The following SLAIN1 variants were observed in gnomAD, a reference collection of about 807,000 sequenced individuals.
The protein encoded by SLAIN1 is SLAIN family member 1.
SLAIN1 carries 17 observed loss-of-function variants against 55.4 expected under a neutral mutation model. The ratio of observed to expected loss-of-function variants is 0.31; its 90% CI spans 0.21 to 0.46. SLAIN1 has a LOEUF of 0.46. SLAIN1 is among the 20% of genes least tolerant of loss of function. The pLI is 1.00. For synonymous variants in SLAIN1, 348 were observed against 337.4 expected, an observed-to-expected ratio of 1.03 and a Z score of -0.35; for missense variants, 682 against 785.1, an observed-to-expected ratio of 0.87 and a Z score of 1.57.
intron 1 of SLAIN1, among the ~76,000 whole-genome samples, chr13:77,702,716 A>T (rs912795310): frequency 1.6e-4 from 24 of 151,284 alleles, no homozygotes; most frequent in Non-Finnish European, 5.9e-5. Context: ...CATCACTGAT[A>T]TTTTTTTTTC....
At chr13:77,744,785 C>T (rs932959597) in intron 3 of SLAIN1, among the ~76,000 whole-genome samples, 21 of 152,036 alleles carry the variant, frequency 1.4e-4, no homozygotes, top group Non-Finnish European at 2.9e-4. Flanking sequence ...AAAACTTGCA[C>T]GTGAATGTTC....
chr13:77,703,889 T>TA (rs1555275226), intron 1 of SLAIN1, among the ~76,000 whole-genome samples: 14 of 132,656 alleles, frequency 1.1e-4, no homozygotes, highest in African/African-American at 3.9e-4. Flanking sequence ...AAAAAAAAAA[T>TA]TATATATATA....
intron 2 of SLAIN1, chr13:77,743,088 G>A: frequency 7.7e-7 from 1 of 1,303,338 alleles, no homozygotes; most frequent in Non-Finnish European, 1.0e-6. Context: ...GCAAGACTCA[G>A]CCCTTATAGC....
intron 5 of SLAIN1, among the ~76,000 whole-genome samples, chr13:77,758,895 C>T (rs1158815122): frequency 6.6e-6 from 1 of 151,948 alleles, no homozygotes; most frequent in Non-Finnish European, 1.5e-5. Context: ...CTTAGTCTTG[C>T]TTTGGCTATG....
chr13:77,755,039 G>T (rs776662898), intron 5 of SLAIN1, among the ~76,000 whole-genome samples: 26 of 152,176 alleles, frequency 1.7e-4, no homozygotes, highest in Non-Finnish European at 2.6e-4. Flanking sequence ...GAGGTTAGGA[G>T]AATGGGCCAA....
intron 2 of SLAIN1, among the ~76,000 whole-genome samples, chr13:77,723,067 GAATT>G (rs960732440): frequency 5.9e-5 from 9 of 152,084 alleles, no homozygotes; most frequent in African/African-American, 2.2e-4. Flanking sequence ...TTTTTTTTCA[GAATT>G]AATTGGAAAA....
chr13:77,708,114 A>T (rs533390400), intron 1 of SLAIN1, among the ~76,000 whole-genome samples: 13 of 152,380 alleles, frequency 8.5e-5, no homozygotes, highest in African/African-American at 2.9e-4. Context: ...TGAACATGGC[A>T]TAGTGGGTCA....
chr13:77,745,738 G>A (rs1873768052), intron 3 of SLAIN1, among the ~76,000 whole-genome samples: 1 of 151,960 alleles, frequency 6.6e-6, no homozygotes, highest in Non-Finnish European at 1.5e-5. Flanking sequence ...ATTTTTAAGG[G>A]GAAAAGTGGT....
rs200914952 is a variant in SLAIN1 at position 77,744,269 on chromosome 13, C to T, written c.767-14C>T. 103 of 1,574,662 alleles carry T rather than the reference C, an allele frequency of 6.5e-5. No individual in the cohort carries two copies. The East Asian group carries it at 1.9e-3, about 29-fold the overall frequency. ...CCTGCAGATGGAAGAACACACTTTT[C>T]CTTTGTGTTTCAGGTTACACTTCCA... On this transcript the variant is annotated splice_polypyrimidine_tract_variant and intron_variant, in intron 2 of 6. Coordinates refer to ENST00000418532, the MANE Select transcript of SLAIN1 (RefSeq NM_001242868.2).
At chr13:77,739,635 T>C (rs1410729550) in intron 2 of SLAIN1, among the ~76,000 whole-genome samples, 1 of 152,138 alleles carries the variant, frequency 6.6e-6, no homozygotes, top group Non-Finnish European at 1.5e-5. Flanking sequence ...TTGAATACTT[T>C]GAGTCTAAGC....
At chr13:77,713,806 T>C (rs1314773787) in intron 1 of SLAIN1, among the ~76,000 whole-genome samples, 1 of 151,884 alleles carries the variant, frequency 6.6e-6, no homozygotes, top group Non-Finnish European at 1.5e-5. Flanking sequence ...ATAAAGAAAA[T>C]GTGGCACATA....
At chr13:77,725,804 GT>G (rs1317080378) in intron 2 of SLAIN1, among the ~76,000 whole-genome samples, 1 of 151,990 alleles carries the variant, frequency 6.6e-6, no homozygotes, top group African/African-American at 2.4e-5. Context: ...TAAGTTAGCC[GT>G]CCCTCCTTGT....
Position 77,697,968 on chromosome 13 carries a change from T to C in SLAIN1, c.55T>C (p.Ser19Pro). The change falls in exon 1 of 7, where the codon TCC becomes CCC. Residue 19 changes from serine (S) to proline (P), a missense_variant. Coordinates refer to ENST00000418532, the MANE Select transcript of SLAIN1 (RefSeq NM_001242868.2). ...GGCAGGGGTCAGCTCTGGAGCGGGC[T>C]CCGGGCCGGTGGTGAACGCGGAGCT... is the stretch of plus-strand genomic sequence containing the variant. ...ASAGVSSGAG[S>P]GPVVNAELEV... 1 of 1,445,712 alleles carries C rather than the reference T, an allele frequency of 6.9e-7. No individual in the cohort carries two copies. The allele number at this position is 1,445,712 out of a possible 1,614,324, so 89.6% of individuals were successfully genotyped here.
intron 2 of SLAIN1, among the ~76,000 whole-genome samples, chr13:77,723,274 C>A (rs1178345423): frequency 6.6e-6 from 1 of 152,154 alleles, no homozygotes; most frequent in African/African-American, 2.4e-5. Context: ...CATCTTTAGC[C>A]TCTGAAGAGC....
At chr13:77,763,023 G>A (rs1875169043) in intron 6 of SLAIN1, 122 bp from the exon 7 acceptor site, 2 of 742,318 alleles carry the variant, frequency 2.7e-6, no homozygotes, top group Non-Finnish European at 4.6e-6. Flanking sequence ...CACTTGAGAT[G>A]GTGCCAGTGG....
intron 2 of SLAIN1, among the ~76,000 whole-genome samples, chr13:77,731,982 T>G (rs1872889640): frequency 1.3e-5 from 2 of 152,088 alleles, no homozygotes; most frequent in Non-Finnish European, 2.9e-5. Context: ...ATTTTAGTGT[T>G]GTTTTGTGTG....
intron 1 of SLAIN1, among the ~76,000 whole-genome samples, chr13:77,706,295 A>C (rs2091089498): frequency 6.6e-6 from 1 of 151,988 alleles, no homozygotes; most frequent in Non-Finnish European, 1.5e-5. Flanking sequence ...CTGCATTATG[A>C]TTATAATTTA....
At position 77,760,607 on chromosome 13, in the gene SLAIN1, T is replaced by C. The variant is rs995151357; in HGVS notation, c.1415-221T>C. ...TGTGCTTAGAACTGGCTTCTGCATATAGCCAGGCACTCCAAAATGTGGCTG... is the reference window on the plus strand; with the variant it reads ...TGTGCTTAGAACTGGCTTCTGCATACAGCCAGGCACTCCAAAATGTGGCTG... On this transcript the variant is annotated intron_variant, in intron 5 of 6. Transcript: ENST00000418532. Among the ~76,000 whole-genome samples, 29 of 152,230 alleles carry C rather than the reference T, an allele frequency of 1.9e-4. 1 individual carries two copies. Among genetic ancestry groups the C allele is most frequent in the Non-Finnish European group, 3.7e-4 (25 of 68,042 alleles).
intron 1 of SLAIN1, among the ~76,000 whole-genome samples, chr13:77,709,322 G>A (rs1484202329): frequency 6.6e-6 from 1 of 152,162 alleles, no homozygotes; most frequent in African/African-American, 2.4e-5. Context: ...ATGGAACCAA[G>A]TTGGAAAACA....
Sources: allele counts gnomAD v4.1 joint callset (sites outside exome capture counted in the v4.1 genomes callset), GRCh38; gene constraint gnomAD v4.1.1; transcripts MANE v1.5; gene names NCBI Gene and HGNC (gene_info 2026-07-23, HGNC 2026-07-21).